Variants in ERO1A observed in about 807,000 individuals in gnomAD.
ERO1A encodes endoplasmic reticulum oxidoreductase 1 alpha, also known as ERO1-like protein alpha.
ERO1A carries 49 observed loss-of-function variants against 76.9 expected under a neutral mutation model. The ratio of observed to expected loss-of-function variants is 0.64; its 90% confidence interval spans 0.51 to 0.81. The LOEUF (loss-of-function observed/expected upper bound fraction) is 0.81, where lower values mean the gene tolerates loss of function less well. Among genes scored for constraint, ERO1A ranks in the 30% least tolerant of loss-of-function variants. The probability of loss-of-function intolerance (pLI) is 0.00; values close to 1 mark genes in which losing one functional copy is unlikely to be tolerated. For missense variants in ERO1A, 448 were observed against 542.1 expected (o/e 0.83, Z 1.72); for synonymous variants, 174 against 181.2 (o/e 0.96, Z 0.32).
intron 11 of ERO1A, among the ~76,000 whole-genome samples, chr14:52,653,635 A>G (rs1031607435): frequency 1.3e-5 from 2 of 151,974 alleles, no homozygotes; most frequent in Non-Finnish European, 2.9e-5. Context: ...TGATACAGGC[A>G]TATAATTTAT....
intron 1 of ERO1A, among the ~76,000 whole-genome samples, chr14:52,689,072 C>T (rs2139786821): frequency 1.3e-5 from 2 of 152,296 alleles, no homozygotes; most frequent in East Asian, 1.9e-4. Flanking sequence ...TCTCCTGCCT[C>T]AGCCTCCCAA....
intron 7 of ERO1A, among the ~76,000 whole-genome samples, chr14:52,664,877 G>T (rs539483542): frequency 6.6e-6 from 1 of 152,072 alleles, no homozygotes; most frequent in East Asian, 2.0e-4. Flanking sequence ...ATTTTTAGTA[G>T]AGACGGGGTT....
chr14:52,652,970 G>C (rs981139220), intron 12 of ERO1A, 99 bp downstream of exon 12: 2 of 814,302 alleles, frequency 2.5e-6, no homozygotes, highest in Admixed American at 5.4e-5. Flanking sequence ...ACTCCAGCCT[G>C]GGCAACAGAG....
rs1273255462 is a variant in ERO1A at position 52,695,392 on chromosome 14, T to C, written c.90A>G (p.Thr30=). ...CCTGGCAGAAGCACCTCTGTGCCGC[T>C]GTCTCCGGGGGCTGCTCCTCTCCGT... ...SGHGEEQPPE[T]AAQRCFCQVS... Residue 30 remains threonine, a synonymous_variant, in exon 1 of 16, where the codon ACA becomes ACG. Coordinates refer to ENST00000395686, the MANE Select transcript of ERO1A (RefSeq NM_014584.3). 2 of 1,515,780 alleles carry C rather than the reference T, an allele frequency of 1.3e-6. No homozygotes were observed. Among genetic ancestry groups the C allele is most frequent in the Non-Finnish European group, 8.9e-7 (1 of 1,127,748 alleles). 93.9% of individuals were successfully genotyped at this position (1,515,780 alleles called of 1,614,324 possible). A position where few individuals can be genotyped will look rare whatever the true frequency, so the allele number is the denominator to read the frequency against.
chr14:52,669,023 G>A (rs756069429), intron 6 of ERO1A, among the ~76,000 whole-genome samples: 1 of 151,912 alleles, frequency 6.6e-6, no homozygotes, highest in Non-Finnish European at 1.5e-5. Flanking sequence ...GAAAACATGC[G>A]TTCTGCAAAA....
intron 1 of ERO1A, among the ~76,000 whole-genome samples, chr14:52,689,827 C>A (rs997964470): frequency 6.6e-6 from 1 of 152,096 alleles, no homozygotes; most frequent in Non-Finnish European, 1.5e-5. Context: ...CAAGTAGCTA[C>A]AGCAATTTTG....
In ERO1A at chr14:52,659,321, C is replaced by T. The variant is rs114203843; in HGVS notation, c.689-1171G>A. Reference sequence around the variant, plus strand: ...AAATGAAAACAAAAGATACATGACTCTACCTATCAAGTAAGATAAAAATAT... The same window carrying T: ...AAATGAAAACAAAAGATACATGACTTTACCTATCAAGTAAGATAAAAATAT... On this transcript the variant is annotated intron_variant, in intron 9 of 15. Coordinates refer to ENST00000395686, the MANE Select transcript of ERO1A (RefSeq NM_014584.3). Among the ~76,000 whole-genome samples, 392 of 152,262 alleles carry T rather than the reference C, an allele frequency of 2.6e-3. 2 individuals carry two copies. Among genetic ancestry groups the T allele is most frequent in the African/African-American group, 9.0e-3 (376 of 41,558 alleles).
At position 52,665,854 on chromosome 14, in the gene ERO1A, T is replaced by C. The variant is rs147824249; in HGVS notation, c.629+521A>G. 3.5e-3 allele frequency among the ~76,000 whole-genome samples: 536 copies of C among 152,228 alleles called. 3 individuals are homozygous for C. The highest frequency in any genetic ancestry group is 0.012 in the African/African-American group (506 of 41,520). On this transcript the variant is annotated intron_variant, in intron 7 of 15. Transcript: ENST00000395686. ...ATACAGTGATGACTGCAACACAGGG[T>C]TATTGCAAGGACTGAAGAAGAAAAT...
At chr14:52,674,059 T>C (rs1260519097) in intron 4 of ERO1A, among the ~76,000 whole-genome samples, 1 of 152,240 alleles carries the variant, frequency 6.6e-6, no homozygotes, top group Non-Finnish European at 1.5e-5. Context: ...TTATAAAAAT[T>C]TATATGTGTA....
At chr14:52,668,469 C>G (rs1452874158) in intron 6 of ERO1A, among the ~76,000 whole-genome samples, 4 of 151,762 alleles carry the variant, frequency 2.6e-5, no homozygotes, top group Admixed American at 6.6e-5. Flanking sequence ...CGCTTGAACC[C>G]GGGAGACAGA....
chr14:52,690,346 G>A (rs1424480198), intron 1 of ERO1A, among the ~76,000 whole-genome samples: 1 of 152,158 alleles, frequency 6.6e-6, no homozygotes. Context: ...TACAGAATGG[G>A]AGAAAATATT....
intron 8 of ERO1A, among the ~76,000 whole-genome samples, chr14:52,662,943 G>C (rs963951002): frequency 6.6e-6 from 1 of 152,132 alleles, no homozygotes; most frequent in African/African-American, 2.4e-5. Flanking sequence ...AGTGGGAAAG[G>C]CCGTAAGAGG....
chr14:52,668,777 T>A (rs922776480), intron 6 of ERO1A, among the ~76,000 whole-genome samples: 3 of 146,222 alleles, frequency 2.1e-5, no homozygotes, highest in Non-Finnish European at 4.5e-5. Flanking sequence ...ATAATTATAC[T>A]ATAATTATAA....
At chr14:52,650,034 TAGTG>T (rs1410125327) in intron 13 of ERO1A, among the ~76,000 whole-genome samples, 1 of 151,900 alleles carries the variant, frequency 6.6e-6, no homozygotes, top group African/African-American at 2.4e-5. Flanking sequence ...CTGGGCAACA[TAGTG>T]AGACCCCAAC....
rs1335719634 is a variant in ERO1A at position 52,646,120 on chromosome 14, G to C, written c.1346+34C>G. ...ATATATGTTGCATTAGACTTACTTGGCTACCAGAAGCATTTCAGTACATTC... is the reference window on the plus strand; with the variant it reads ...ATATATGTTGCATTAGACTTACTTGCCTACCAGAAGCATTTCAGTACATTC... On this transcript the variant is annotated intron_variant, in intron 15 of 15. Coordinates refer to ENST00000395686, the MANE Select transcript of ERO1A (RefSeq NM_014584.3). The C allele has an allele frequency of 2.5e-6, 4 of 1,582,154 alleles. No individual in the cohort carries two copies. The South Asian group carries it at 3.5e-5, about 14-fold the overall frequency.
intron 4 of ERO1A, among the ~76,000 whole-genome samples, chr14:52,674,483 G>A (rs1169039461): frequency 2.6e-5 from 4 of 152,166 alleles, no homozygotes; most frequent in Non-Finnish European, 4.4e-5. Context: ...ACACAGGCAT[G>A]AGCCACTATG....
intron 3 of ERO1A, among the ~76,000 whole-genome samples, chr14:52,678,921 C>T (rs78438477): frequency 4.6e-5 from 7 of 152,210 alleles, no homozygotes; most frequent in African/African-American, 7.2e-5. Flanking sequence ...TCTCATGAAC[C>T]GCTTGGTGCC....
In ERO1A at chr14:52,655,093, G is replaced by A. The variant is rs192367367; in HGVS notation, c.809-1778C>T. ...TATTAAATTCTTACACAGGCCAGGC[G>A]TGGTGGCTCACAACTGTAATCCCAG... On this transcript the variant is annotated intron_variant, in intron 11 of 15. Transcript: ENST00000395686. 1.3e-3 allele frequency among the ~76,000 whole-genome samples: 193 copies of A among 152,274 alleles called. 1 individual carries two copies. Among genetic ancestry groups the A allele is most frequent in the African/African-American group, 4.5e-3 (187 of 41,558 alleles).
At chr14:52,654,609 G>T (rs2039982447) in intron 11 of ERO1A, among the ~76,000 whole-genome samples, 1 of 152,114 alleles carries the variant, frequency 6.6e-6, no homozygotes, top group African/African-American at 2.4e-5. Flanking sequence ...AAATATTCCT[G>T]CTACAGTTAG....
Sources: gnomAD v4.1 joint callset for allele counts (sites outside exome capture counted in the v4.1 genomes callset) on GRCh38, gnomAD v4.1.1 for gene constraint, MANE v1.5 for transcripts, NCBI Gene and HGNC (gene_info 2026-07-23, HGNC 2026-07-21) for gene names.